COL28A1: variants seen among roughly 807,000 people sequenced by gnomAD.
COL28A1 encodes collagen type XXVIII alpha 1 chain, also known as collagen alpha-1(XXVIII) chain.
COL28A1 carries 161 observed loss-of-function variants against 150.2 expected under a neutral mutation model. The observed-to-expected ratio is 1.07, with a 90% CI of 0.94 to 1.22. COL28A1 has a LOEUF of 1.22. COL28A1 is among the 50% of genes most tolerant of loss of function. The pLI is 0.00. For synonymous variants in COL28A1, 552 were observed against 469.7 expected (o/e 1.18, Z -2.26); for missense variants, 1,617 against 1,388.3 (o/e 1.16, Z -2.62).
intron 7 of COL28A1, 36 bp downstream of exon 7, chr7:7,517,750 AACCTAGGATC>A: frequency 6.2e-7 from 1 of 1,611,994 alleles, no homozygotes; most frequent in South Asian, 1.1e-5. Flanking sequence ...CAAAATCAGT[AACCTAGGATC>A]ACTTTCTTAG....
At chr7:7,345,918 A>T in the COL28A1 span, among the ~76,000 whole-genome samples, 1 of 151,994 alleles carries the variant, frequency 6.6e-6, no homozygotes, top group African/African-American at 2.4e-5. Flanking sequence ...CTAATTTGAG[A>T]TTATCTCTCT....
At chr7:7,463,188 G>A (rs1787778737) in intron 15 of COL28A1, among the ~76,000 whole-genome samples, 1 of 152,092 alleles carries the variant, frequency 6.6e-6, no homozygotes, top group African/African-American at 2.4e-5. Flanking sequence ...AAGAACACCT[G>A]GGAGATTCAT....
chr7:7,399,464 T>C (rs1267354133), intron 27 of COL28A1, among the ~76,000 whole-genome samples: 2 of 152,186 alleles, frequency 1.3e-5, no homozygotes, highest in Non-Finnish European at 2.9e-5. Context: ...AGAGTGCCTA[T>C]TTCAGGGCCC....
chr7:7,499,295 G>A (rs1780391528), intron 11 of COL28A1, among the ~76,000 whole-genome samples: 1 of 152,120 alleles, frequency 6.6e-6, no homozygotes, highest in Non-Finnish European at 1.5e-5. Flanking sequence ...AAATTGTAAA[G>A]GGATTCTTCC....
chr7:7,352,425 A>T (rs1472678003), downstream of COL28A1, among the ~76,000 whole-genome samples: 1 of 152,122 alleles, frequency 6.6e-6, no homozygotes, highest in African/African-American at 2.4e-5. Context: ...ATGTAACTAA[A>T]CTGAAGGACT....
intron 13 of COL28A1, among the ~76,000 whole-genome samples, chr7:7,488,321 G>C (rs144312299): frequency 6.6e-6 from 1 of 152,130 alleles, no homozygotes; most frequent in Non-Finnish European, 1.5e-5. Context: ...TCAGACATTA[G>C]TGAAAAGCCT....
At chr7:7,413,592 C>T (rs1394965539) in intron 27 of COL28A1, among the ~76,000 whole-genome samples, 1 of 152,172 alleles carries the variant, frequency 6.6e-6, no homozygotes, top group African/African-American at 2.4e-5. Context: ...CTACATACTC[C>T]CTTTTTGCCT....
At chr7:7,538,772 T>C (rs118174252), upstream of COL28A1, among the ~76,000 whole-genome samples, 59 of 152,176 alleles carry the variant, frequency 3.9e-4, 1 homozygote, top group Non-Finnish European at 7.6e-4. Context: ...CAAAGTTATA[T>C]ATTTTGACCA....
intron 33 of COL28A1, among the ~76,000 whole-genome samples, chr7:7,365,628 A>G (rs1270062344): frequency 6.6e-6 from 1 of 152,196 alleles, no homozygotes; most frequent in Non-Finnish European, 1.5e-5. Context: ...CCTTGAATTT[A>G]TTACCCAGAA....
intron 27 of COL28A1, among the ~76,000 whole-genome samples, chr7:7,384,799 C>A (rs914218969): frequency 6.6e-6 from 1 of 152,090 alleles, no homozygotes; most frequent in Non-Finnish European, 1.5e-5. Context: ...AAACCCTAAA[C>A]ATTAAACTGA....
chr7:7,360,707 C>A (rs7807595), intron 33 of COL28A1, among the ~76,000 whole-genome samples, 179 bp from the exon 34 acceptor site: 1 of 152,076 alleles, frequency 6.6e-6, no homozygotes, highest in Non-Finnish European at 1.5e-5. Context: ...ATGCATCCCT[C>A]AATACCCAAG....
chr7:7,416,504 T>C (rs777655590), intron 27 of COL28A1, among the ~76,000 whole-genome samples: 8 of 152,198 alleles, frequency 5.3e-5, no homozygotes, highest in Non-Finnish European at 1.0e-4. Context: ...TGGCATAGGT[T>C]TATTCCCTAA....
chr7:7,541,090 G>A, the COL28A1 span, among the ~76,000 whole-genome samples: 1 of 152,110 alleles, frequency 6.6e-6, no homozygotes, highest in South Asian at 2.1e-4. Flanking sequence ...TGTTTTAAGA[G>A]CATTAAGTAA....
At position 7,455,257 on chromosome 7, in the gene COL28A1, A is replaced by G. The variant is rs151098990; in HGVS notation, c.1371+787T>C. ...CCAGGAGATATTTAGCATAAAACTG[A>G]ATTTGTGGGTTGCTTTGATTAATAA... On this transcript the variant is annotated intron_variant, in intron 16 of 34. Transcript: ENST00000399429. Among the ~76,000 whole-genome samples, 708 of 152,336 alleles carry G rather than the reference A, an allele frequency of 4.6e-3. 5 individuals are homozygous for G. The highest frequency in any genetic ancestry group is 0.022 in the East Asian group (115 of 5,192).
the COL28A1 span, among the ~76,000 whole-genome samples, chr7:7,541,419 T>C: frequency 6.6e-6 from 1 of 152,210 alleles, no homozygotes; most frequent in African/African-American, 2.4e-5. Flanking sequence ...TCCAGAACTA[T>C]AGATTTTGAA....
chr7:7,445,168 TC>T (rs1786153655), intron 18 of COL28A1, among the ~76,000 whole-genome samples: 1 of 152,180 alleles, frequency 6.6e-6, no homozygotes, highest in Non-Finnish European at 1.5e-5. Context: ...AAACCTATTT[TC>T]TTTATAAATT....
intron 7 of COL28A1, 108 bp downstream of exon 7, chr7:7,517,688 T>C: frequency 6.7e-7 from 1 of 1,499,316 alleles, no homozygotes; most frequent in Non-Finnish European, 9.2e-7. Context: ...GAGCACAAGG[T>C]AGATAGAAAT....
chr7:7,493,824 T>C (rs1383721490), intron 11 of COL28A1, among the ~76,000 whole-genome samples: 1 of 150,670 alleles, frequency 6.6e-6, no homozygotes, highest in East Asian at 1.9e-4. Flanking sequence ...CCTTTCCTGT[T>C]AATATTCCTA....
chr7:7,401,868 C>G (rs748706669), intron 27 of COL28A1, among the ~76,000 whole-genome samples: 3 of 152,162 alleles, frequency 2.0e-5, no homozygotes, highest in Non-Finnish European at 2.9e-5. Flanking sequence ...TTGTCACTGA[C>G]GTTCCTCAAA....
Sources: gnomAD v4.1 joint callset for allele counts (sites outside exome capture counted in the v4.1 genomes callset) on GRCh38, gnomAD v4.1.1 for gene constraint, MANE v1.5 for transcripts, NCBI Gene and HGNC (gene_info 2026-07-23, HGNC 2026-07-21) for gene names.